The following SYT14 variants were observed in gnomAD, a reference collection of about 807,000 sequenced individuals.
The protein encoded by SYT14 is synaptotagmin 14, also known as synaptotagmin-14.
In SYT14, 32 loss-of-function variants were observed where a neutral mutation model predicts 74.2. The ratio of observed to expected loss-of-function variants is 0.43; its 90% CI spans 0.33 to 0.58. SYT14 has a LOEUF of 0.58. Among genes scored for constraint, SYT14 ranks in the 20% least tolerant of loss-of-function variants. SYT14 has a pLI of 0.05. For synonymous variants in SYT14, 298 were observed against 337.7 expected, an observed-to-expected ratio of 0.88 and a Z score of 1.29; for missense variants, 791 against 981.8, an observed-to-expected ratio of 0.81 and a Z score of 2.60.
chr1:210,144,749 A>G (rs543142523), intron 7 of SYT14, among the ~76,000 whole-genome samples: 1 of 152,220 alleles, frequency 6.6e-6, no homozygotes, highest in African/African-American at 2.4e-5. Flanking sequence ...TTATATTAAA[A>G]ACAGATTCAA....
At chr1:210,015,792 A>ATT in exon 4 of SYT14, 43 of 878,578 alleles carry the variant, frequency 4.9e-5, no homozygotes, top group East Asian at 8.6e-5. Flanking sequence ...AAGTGGTTTG[A>ATT]TTTTTTTTTT....
At chr1:210,130,761 T>C (rs991798721) in intron 7 of SYT14, among the ~76,000 whole-genome samples, 4 of 152,296 alleles carry the variant, frequency 2.6e-5, no homozygotes, top group Non-Finnish European at 4.4e-5. Context: ...TGAGAAATGC[T>C]TTTAATACTC....
chr1:209,962,591 C>T (rs981854915), intron 2 of SYT14, among the ~76,000 whole-genome samples: 4 of 152,026 alleles, frequency 2.6e-5, no homozygotes, highest in African/African-American at 9.7e-5. Context: ...TATGTGCACC[C>T]AGAGGGAGGG....
At chr1:210,149,871 G>C (rs1390930042) in intron 7 of SYT14, among the ~76,000 whole-genome samples, 1 of 152,174 alleles carries the variant, frequency 6.6e-6, no homozygotes, top group Non-Finnish European at 1.5e-5. Context: ...CAGTAATGTG[G>C]ATAACAGTCT....
chr1:210,100,278 A>T (rs755657757), exon 7 of SYT14: 1 of 1,614,154 alleles, frequency 6.2e-7, no homozygotes, highest in Non-Finnish European at 8.5e-7. Flanking sequence ...TCACAGAAAC[A>T]TTTAAATTTA....
At chr1:210,050,413 A>T (rs1289500813) in intron 5 of SYT14, among the ~76,000 whole-genome samples, 1 of 152,222 alleles carries the variant, frequency 6.6e-6, no homozygotes, top group Non-Finnish European at 1.5e-5. Context: ...GTCTATAGGA[A>T]GTTCCAAACT....
In SYT14 at chr1:210,154,253, C is replaced by T. The variant is rs577791776; in HGVS notation, c.2035-1468C>T. ...AGATGTCTATTTCAGAGGTCTCCAACCCCCCGGCCACAGACCAGTACCAGT... is the reference window on the plus strand; with the variant it reads ...AGATGTCTATTTCAGAGGTCTCCAATCCCCCGGCCACAGACCAGTACCAGT... On this transcript the variant is annotated intron_variant, in intron 7 of 9. Transcript: ENST00000637265. Among the ~76,000 whole-genome samples, 262 of 152,194 alleles carry T rather than the reference C, an allele frequency of 1.7e-3. 1 individual carries two copies. The highest frequency in any genetic ancestry group is 5.9e-3 in the African/African-American group (244 of 41,522).
intron 7 of SYT14, among the ~76,000 whole-genome samples, chr1:210,154,324 C>CA (rs2083226947): frequency 6.6e-6 from 1 of 152,256 alleles, no homozygotes; most frequent in East Asian, 1.9e-4. Context: ...AGGTGAGCAG[C>CA]AGTGGGCTAG....
chr1:210,121,872 T>G (rs531281644), intron 7 of SYT14, among the ~76,000 whole-genome samples: 1 of 152,084 alleles, frequency 6.6e-6, no homozygotes, highest in South Asian at 2.1e-4. Flanking sequence ...TTTAAATAAA[T>G]GCACTTTTAT....
At chr1:209,975,935 G>T (rs1366613497) in intron 2 of SYT14, among the ~76,000 whole-genome samples, 1 of 152,000 alleles carries the variant, frequency 6.6e-6, no homozygotes, top group Non-Finnish European at 1.5e-5. Context: ...GTCTTGGGAG[G>T]GTGTATGTGT....
intron 7 of SYT14, among the ~76,000 whole-genome samples, chr1:210,139,265 CTTT>C (rs960923188): frequency 1.0e-5 from 1 of 95,854 alleles, no homozygotes; most frequent in Non-Finnish European, 2.0e-5. Flanking sequence ...TTTCTTTTTT[CTTT>C]TTTTTTTTTT....
chr1:210,090,712 A>G (rs1397335823), intron 5 of SYT14, among the ~76,000 whole-genome samples: 5 of 152,132 alleles, frequency 3.3e-5, no homozygotes, highest in Non-Finnish European at 7.4e-5. Context: ...TTTCTTCTTA[A>G]GGTTGATGTT....
chr1:209,959,630 A>G (rs2079048710), intron 2 of SYT14, among the ~76,000 whole-genome samples: 1 of 152,192 alleles, frequency 6.6e-6, no homozygotes, highest in Non-Finnish European at 1.5e-5. Flanking sequence ...AGACATAAAA[A>G]TTGTTTCACT....
intron 1 of SYT14, among the ~76,000 whole-genome samples, chr1:209,942,050 C>T (rs1572042931): frequency 6.6e-6 from 1 of 152,128 alleles, no homozygotes; most frequent in South Asian, 2.1e-4. Context: ...GGCCTAACTA[C>T]GTTTTCCATG....
At chr1:210,059,925 G>T (rs1305438465) in intron 5 of SYT14, among the ~76,000 whole-genome samples, 1 of 152,096 alleles carries the variant, frequency 6.6e-6, no homozygotes, top group African/African-American at 2.4e-5. Flanking sequence ...TACAGTGGGT[G>T]GAGAATGAGG....
chr1:210,037,686 C>T (rs2080697350), intron 5 of SYT14, among the ~76,000 whole-genome samples: 1 of 151,708 alleles, frequency 6.6e-6, no homozygotes, highest in South Asian at 2.1e-4. Flanking sequence ...TTAATTTTGT[C>T]ATTGATTCAA....
intron 5 of SYT14, among the ~76,000 whole-genome samples, chr1:210,084,595 G>C (rs2081684124): frequency 6.6e-6 from 1 of 152,244 alleles, no homozygotes; most frequent in African/African-American, 2.4e-5. Context: ...CTGCAGAGCA[G>C]ATCGTGGCAT....
At chr1:210,031,039 C>CCTTG (rs1018863681) in intron 5 of SYT14, among the ~76,000 whole-genome samples, 1 of 151,594 alleles carries the variant, frequency 6.6e-6, no homozygotes, top group African/African-American at 2.4e-5. Flanking sequence ...CAATCTTCCA[C>CCTTG]CTTGGTCTCC....
At chr1:210,039,512 A>G (rs192566148) in intron 5 of SYT14, among the ~76,000 whole-genome samples, 5 of 152,316 alleles carry the variant, frequency 3.3e-5, no homozygotes, top group Admixed American at 2.0e-4. Context: ...AGCAATGGCA[A>G]CAGAAGCCAA....
Sources: gnomAD v4.1 joint callset for allele counts (sites outside exome capture counted in the v4.1 genomes callset) on GRCh38, gnomAD v4.1.1 for gene constraint, MANE v1.5 for transcripts, NCBI Gene and HGNC (gene_info 2026-07-23, HGNC 2026-07-21) for gene names.